Variants in FBH1 observed in about 807,000 individuals in gnomAD.
FBH1 encodes DNA 3'-5' helicase 1.
A neutral mutation model predicts 115.5 loss-of-function variants in FBH1; 43 were observed. That is an observed-to-expected ratio of 0.37 (90% confidence interval 0.29 to 0.48). The LOEUF (loss-of-function observed/expected upper bound fraction) is 0.48. Ranked by LOEUF, FBH1 falls within the 20% of genes least tolerant of loss-of-function variation. FBH1 has a pLI of 0.99. For missense variants in FBH1, 1,001 were observed against 1,337.3 expected, an observed-to-expected ratio of 0.75 and a Z score of 3.92; for synonymous variants, 524 against 507.8, an observed-to-expected ratio of 1.03 and a Z score of -0.43.
Position 5,924,163 on chromosome 10 carries a change from C to T in FBH1, c.2399-148C>T, listed in dbSNP as rs975255149. On this transcript the variant is annotated intron_variant, in intron 16 of 20. Coordinates refer to ENST00000362091, the MANE Select transcript of FBH1 (RefSeq NM_178150.3). This position sits in a 1 kb window ranked among gnomAD's most constrained non-coding sequence, Gnocchi z 6.2. ...CACTGACTTGCCCAGGGACACACAG[C>T]GAGTTAGTGATGCAGTCAGGCCTGG... 1.1e-4 allele frequency: 79 copies of T among 693,346 alleles called. No homozygotes were observed. The highest frequency in any genetic ancestry group is 7.1e-5 in the Non-Finnish European group (29 of 406,754). 42.9% of individuals were successfully genotyped at this position (693,346 alleles called of 1,614,324 possible). A position where few individuals can be genotyped will look rare whatever the true frequency, so the allele number is the denominator to read the frequency against.
At position 5,925,237 on chromosome 10, in the gene FBH1, T is replaced by C; in HGVS notation, c.2597-130T>C. The C allele has an allele frequency of 9.1e-7, 1 of 1,095,408 alleles. No homozygotes were observed. The highest frequency in any genetic ancestry group is 1.3e-6 in the Non-Finnish European group (1 of 768,782). 67.9% of individuals were successfully genotyped at this position (1,095,408 alleles called of 1,614,324 possible). Reference sequence around the variant, plus strand: ...CCGACAGTTGTTTCCTCTTTCCCCCTTTTCCTACAAAACTGCACTGAGGCA... The same window carrying C: ...CCGACAGTTGTTTCCTCTTTCCCCCCTTTCCTACAAAACTGCACTGAGGCA... On this transcript the variant is annotated intron_variant, in intron 17 of 20. Transcript: ENST00000362091. This position sits in a 1 kb window ranked among gnomAD's most constrained non-coding sequence, Gnocchi z 4.6.
In FBH1 at chr10:5,935,607, C is replaced by T. The variant is rs1271937942; in HGVS notation, c.2830-849C>T. ...TGTTGGCCATAACTGGAGTGTTTGC[C>T]TGGTGGTTTTCTGTTCTTTTTCATA... On this transcript the variant is annotated intron_variant, in intron 19 of 20. Transcript: ENST00000362091. This position sits in a 1 kb window ranked among gnomAD's most constrained non-coding sequence, Gnocchi z 5.2. 6.6e-6 allele frequency: 1 copy of T among 152,232 alleles called. No individual in the cohort carries two copies. Among genetic ancestry groups the T allele is most frequent in the Non-Finnish European group, 1.5e-5 (1 of 68,060 alleles). 9.4% of individuals were successfully genotyped at this position (152,232 alleles called of 1,614,324 possible).
In FBH1 at chr10:5,915,586, C is replaced by A; in HGVS notation, c.1565+15C>A. 1 of 1,611,908 alleles carries A rather than the reference C, an allele frequency of 6.2e-7. No homozygotes were observed. Among genetic ancestry groups the A allele is most frequent in the South Asian group, 1.1e-5 (1 of 90,930 alleles). On this transcript the variant is annotated intron_variant, in intron 9 of 20. Coordinates refer to ENST00000362091, the MANE Select transcript of FBH1 (RefSeq NM_178150.3). The surrounding 1 kb of genome is among the most constrained non-coding windows in gnomAD (Gnocchi z 5.2). ...ATAGGGCGGAAGTGAGTACTGCTGT[C>A]ACTAGTGGCACTGTTGCTGCTGGCA...
At position 5,895,025 on chromosome 10, in the gene FBH1, CTG is replaced by C; in HGVS notation, c.1+4681_1+4682del. On this transcript the variant is annotated intron_variant, in intron 1 of 20. Coordinates refer to ENST00000362091, the MANE Select transcript of FBH1 (RefSeq NM_178150.3). This position sits in a 1 kb window ranked among gnomAD's most constrained non-coding sequence, Gnocchi z 5.0. ...TGGAGTTGAGAGATAACACAGTTAA[CTG>C]TTGAAATTGGGCCATTCCCGTTTCA... 1 of 1,601,300 alleles carries C rather than the reference CTG, an allele frequency of 6.2e-7. No homozygotes were observed. Among genetic ancestry groups the C allele is most frequent in the African/African-American group, 1.3e-5 (1 of 74,682 alleles).
At chr10:5,896,820 A>G (rs1843032377) in intron 1 of FBH1, among the ~76,000 whole-genome samples, 1 of 152,108 alleles carries the variant, frequency 6.6e-6, no homozygotes, top group Non-Finnish European at 1.5e-5. Context: ...TCTAACAGTA[A>G]ATGCCCTTTA....
intron 2 of FBH1, among the ~76,000 whole-genome samples, chr10:5,903,517 C>T (rs982204385): frequency 2.6e-5 from 4 of 151,484 alleles, no homozygotes; most frequent in Admixed American, 6.6e-5. Context: ...TTAGTAGAGA[C>T]GGGGTTTCTC....
rs1309985426 is a variant in FBH1, at chr10:5,909,336, C to G, written c.1020+42C>G. ...CGGGAGAAGGCGGCATGTTATTTCA[C>G]TGGAGGAAAGTGTACTGGTGATTCA... On this transcript the variant is annotated intron_variant, in intron 5 of 20. Coordinates refer to ENST00000362091, the MANE Select transcript of FBH1 (RefSeq NM_178150.3). This position sits in a 1 kb window ranked among gnomAD's most constrained non-coding sequence, Gnocchi z 4.4. 1.3e-6 allele frequency: 2 copies of G among 1,587,564 alleles called. No individual in the cohort carries two copies. The highest frequency in any genetic ancestry group is 1.7e-5 in the Admixed American group (1 of 58,222).
At position 5,917,135 on chromosome 10, in the gene FBH1, C is replaced by A; in HGVS notation, c.1789-285C>A. Reference sequence around the variant, plus strand: ...TTGTTTTTGTGAATTAAGCATCAGTCATAAATCTAGAAGAACAATTTGGCC... The same window carrying A: ...TTGTTTTTGTGAATTAAGCATCAGTAATAAATCTAGAAGAACAATTTGGCC... On this transcript the variant is annotated intron_variant, in intron 10 of 20. Transcript: ENST00000362091. The surrounding 1 kb of genome is among the most constrained non-coding windows in gnomAD (Gnocchi z 5.6). 2.5e-6 allele frequency: 1 copy of A among 400,376 alleles called. No homozygotes were observed. The highest frequency in any genetic ancestry group is 4.6e-6 in the Non-Finnish European group (1 of 217,504). 24.8% of individuals were successfully genotyped at this position (400,376 alleles called of 1,614,324 possible).
At position 5,936,764 on chromosome 10, in the gene FBH1, C is replaced by G; in HGVS notation, c.2961+177C>G. Reference sequence around the variant, plus strand: ...TCTGTCCCAGGGTCAGAGGTCAGGGCACGTGATGCTGCCTGGCTGTGCTGA... The same window carrying G: ...TCTGTCCCAGGGTCAGAGGTCAGGGGACGTGATGCTGCCTGGCTGTGCTGA... On this transcript the variant is annotated intron_variant, in intron 20 of 20. Coordinates refer to ENST00000362091, the MANE Select transcript of FBH1 (RefSeq NM_178150.3). This position sits in a 1 kb window ranked among gnomAD's most constrained non-coding sequence, Gnocchi z 5.6. 1 of 789,634 alleles carries G rather than the reference C, an allele frequency of 1.3e-6. No individual in the cohort carries two copies. The highest frequency in any genetic ancestry group is 2.0e-6 in the Non-Finnish European group (1 of 508,612). 48.9% of individuals were successfully genotyped at this position (789,634 alleles called of 1,614,324 possible).
intron 1 of FBH1, chr10:5,894,580 A>G (rs1842906720): frequency 1.3e-6 from 1 of 787,102 alleles, no homozygotes; most frequent in Middle Eastern, 2.2e-4. Flanking sequence ...TCAGACGAGA[A>G]TATAGGAAAG....
rs771260332 is a variant in FBH1 at position 5,917,619 on chromosome 10, C to G, written c.1906C>G (p.Pro636Ala). 4 of 1,614,066 alleles carry G rather than the reference C, an allele frequency of 2.5e-6. No homozygotes were observed. Among genetic ancestry groups the G allele is most frequent in the Admixed American group, 1.7e-5 (1 of 60,006 alleles). Residue 636 changes from proline to alanine, a missense_variant, in exon 12 of 21, where the codon CCT (proline) becomes GCT (alanine). Physicochemically the swap from Pro to Ala is conservative, Grantham distance 27. Around this residue, in one of 4 missense-constraint regions of FBH1, gnomAD observed 521 missense variants for 811.0 expected, o/e 0.64. Coordinates refer to ENST00000362091, the MANE Select transcript of FBH1 (RefSeq NM_178150.3). This position sits in a 1 kb window ranked among gnomAD's most constrained non-coding sequence, Gnocchi z 5.6. Reference sequence around the variant, plus strand: ...CTTGAAACTCTGGCAGCTGAGCAAGCCTTCGCTGGCCTCTTTTGACGCCAT... The same window carrying G: ...CTTGAAACTCTGGCAGCTGAGCAAGGCTTCGCTGGCCTCTTTTGACGCCAT... ...GYLKLWQLSK[P>A]SLASFDAIFV... is the part of the protein sequence containing the mutation.
At chr10:5,903,391 C>T (rs1372855011) in intron 2 of FBH1, among the ~76,000 whole-genome samples, 2 of 148,510 alleles carry the variant, frequency 1.3e-5, no homozygotes, top group Non-Finnish European at 3.0e-5. Flanking sequence ...AGTGCAATGG[C>T]GCAATCTCGG....
Position 5,911,232 on chromosome 10 carries a change from C to A in FBH1, c.1211+104C>A. ...CTTAGCAGTGTTAGCACCTGGCAGG[C>A]TGTGGGACCCACCTGCTCCACCTCA... On this transcript the variant is annotated intron_variant, in intron 6 of 20. Coordinates refer to ENST00000362091, the MANE Select transcript of FBH1 (RefSeq NM_178150.3). This position sits in a 1 kb window ranked among gnomAD's most constrained non-coding sequence, Gnocchi z 5.4. The A allele has an allele frequency of 8.9e-7, 1 of 1,127,982 alleles. No individual in the cohort carries two copies. Among genetic ancestry groups the A allele is most frequent in the Non-Finnish European group, 1.3e-6 (1 of 794,636 alleles). 69.9% of individuals were successfully genotyped at this position (1,127,982 alleles called of 1,614,324 possible). A position where few individuals can be genotyped will look rare whatever the true frequency, so the allele number is the denominator to read the frequency against.
In FBH1 at chr10:5,918,294, T is replaced by G; in HGVS notation, c.1964-48T>G. 6.3e-7 allele frequency: 1 copy of G among 1,596,142 alleles called. No individual in the cohort carries two copies. The highest frequency in any genetic ancestry group is 8.5e-7 in the Non-Finnish European group (1 of 1,175,336). ...TTTTTGTCCTTTTCTTTTTGCTGCC[T>G]GGGGTGGAGGCCTCAAGGTTTCTCA... is the stretch of plus-strand genomic sequence containing the variant. On this transcript the variant is annotated intron_variant, in intron 12 of 20. Coordinates refer to ENST00000362091, the MANE Select transcript of FBH1 (RefSeq NM_178150.3). This position sits in a 1 kb window ranked among gnomAD's most constrained non-coding sequence, Gnocchi z 4.0.
chr10:5,914,111 G>A lies in FBH1; in HGVS notation c.1305-67G>A. 6.8e-7 allele frequency: 1 copy of A among 1,477,116 alleles called. No individual in the cohort carries two copies. The highest frequency in any genetic ancestry group is 9.4e-7 in the Non-Finnish European group (1 of 1,065,730). 91.5% of individuals were successfully genotyped at this position (1,477,116 alleles called of 1,614,324 possible). A position where few individuals can be genotyped will look rare whatever the true frequency, so the allele number is the denominator to read the frequency against. On this transcript the variant is annotated intron_variant, in intron 7 of 20. Coordinates refer to ENST00000362091, the MANE Select transcript of FBH1 (RefSeq NM_178150.3). This position sits in a 1 kb window ranked among gnomAD's most constrained non-coding sequence, Gnocchi z 5.2. ...ATCCAGTTTGTATGTTTGGTTTTTG[G>A]ACTGTCTATCCCCTGGACTTTTCAC...
rs1285913735 is a variant in FBH1 at position 5,911,233 on chromosome 10, T to G, written c.1211+105T>G. The G allele has an allele frequency of 1.8e-6, 2 of 1,132,290 alleles. No homozygotes were observed. The highest frequency in any genetic ancestry group is 2.5e-6 in the Non-Finnish European group (2 of 798,620). 70.1% of individuals were successfully genotyped at this position (1,132,290 alleles called of 1,614,324 possible). On this transcript the variant is annotated intron_variant, in intron 6 of 20. Coordinates refer to ENST00000362091, the MANE Select transcript of FBH1 (RefSeq NM_178150.3). The surrounding 1 kb of genome is among the most constrained non-coding windows in gnomAD (Gnocchi z 5.4). ...TTAGCAGTGTTAGCACCTGGCAGGC[T>G]GTGGGACCCACCTGCTCCACCTCAG...
rs61757391 is a variant in FBH1 at position 5,906,080 on chromosome 10, C to A, written c.201C>A (p.Gly67=). The stretch of plus-strand genomic sequence containing the variant: ...GCATCCCTGAGTTCTTCCTAGCAGG[C>A]AAGCAGCCGTGCACCAATGACATGG... ...QRCIPEFFLA[G]KQPCTNDMAK... Residue 67 remains glycine (G), a synonymous_variant, in exon 3 of 21, where the codon GGC becomes GGA. Transcript: ENST00000362091. This position sits in a 1 kb window ranked among gnomAD's most constrained non-coding sequence, Gnocchi z 7.3. 1.0e-3 allele frequency: 1,655 copies of A among 1,612,416 alleles called. No individual in the cohort carries two copies. The highest frequency in any genetic ancestry group is 2.2e-3 in the Admixed American group (131 of 59,970).
rs1005096729 is a variant in FBH1, at chr10:5,931,868, G to A, written c.2829+4327G>A. ...TTCAAAGTCAAAACCTTGCGCCTGG[G>A]CACAGTGGCTCACCCCTGTAATCCC... On this transcript the variant is annotated intron_variant, in intron 19 of 20. Coordinates refer to ENST00000362091, the MANE Select transcript of FBH1 (RefSeq NM_178150.3). The surrounding 1 kb of genome is among the most constrained non-coding windows in gnomAD (Gnocchi z 4.3). 1.6e-4 allele frequency among the ~76,000 whole-genome samples: 25 copies of A among 152,270 alleles called. No individual in the cohort carries two copies. The highest frequency in any genetic ancestry group is 1.6e-3 in the Admixed American group (25 of 15,278).
rs1832490492 is a variant in FBH1, at chr10:5,924,214, C to G, written c.2399-97C>G. ...AACCCGGGTCTCCCCACTTTAAGAC[C>G]ATCTGCTCTTGCGCAGCTGCTTAGG... On this transcript the variant is annotated intron_variant, in intron 16 of 20. Transcript: ENST00000362091. The surrounding 1 kb of genome is among the most constrained non-coding windows in gnomAD (Gnocchi z 6.2). The G allele has an allele frequency of 1.6e-6, 2 of 1,222,494 alleles. No homozygotes were observed. Among genetic ancestry groups the G allele is most frequent in the South Asian group, 2.6e-5 (2 of 76,172 alleles). 75.7% of individuals were successfully genotyped at this position (1,222,494 alleles called of 1,614,324 possible). A position where few individuals can be genotyped will look rare whatever the true frequency, so the allele number is the denominator to read the frequency against.
Sources: gnomAD v4.1 joint callset for allele counts (sites outside exome capture counted in the v4.1 genomes callset) on GRCh38, gnomAD v4.1.1 for gene constraint, gnomAD v4.1.1 regional missense constraint, Gnocchi (gnomAD v3.1) non-coding constraint, MANE v1.5 for transcripts, NCBI Gene and HGNC (gene_info 2026-07-23, HGNC 2026-07-21) for gene names.